The following RFX3 variants were observed in gnomAD, a reference collection of about 807,000 sequenced individuals.
RFX3 encodes the protein regulatory factor X3.
A neutral mutation model predicts 98.6 loss-of-function variants in RFX3; 14 were observed. That is an observed-to-expected ratio of 0.14 (90% CI 0.09 to 0.22). The LOEUF (loss-of-function observed/expected upper bound fraction) is 0.22. Among genes scored for constraint, RFX3 ranks in the 10% least tolerant of loss-of-function variants. The pLI is 1.00. For missense variants in RFX3, 639 were observed against 926.9 expected (o/e 0.69, Z 4.03); for synonymous variants, 383 against 328.4 (o/e 1.17, Z -1.80).
intron 1 of RFX3, among the ~76,000 whole-genome samples, chr9:3,405,950 T>C (rs1841928856): frequency 6.6e-6 from 1 of 152,040 alleles, no homozygotes; most frequent in Admixed American, 6.6e-5. Flanking sequence ...CATTTGGTTT[T>C]TTGTCTTGTT....
At chr9:3,409,953 G>T (rs1388923362) in intron 1 of RFX3, among the ~76,000 whole-genome samples, 1 of 152,108 alleles carries the variant, frequency 6.6e-6, no homozygotes, top group Non-Finnish European at 1.5e-5. Context: ...ATAGGCTATG[G>T]TTAATAGGAG....
chr9:3,344,236 A>C (rs1020745217), intron 3 of RFX3, among the ~76,000 whole-genome samples: 4 of 152,216 alleles, frequency 2.6e-5, no homozygotes, highest in African/African-American at 9.6e-5. Context: ...GATGATACAT[A>C]AAGCACTTTT....
intron 15 of RFX3, among the ~76,000 whole-genome samples, chr9:3,240,863 G>C (rs897865817): frequency 3.9e-5 from 6 of 152,188 alleles, no homozygotes; most frequent in African/African-American, 1.4e-4. Context: ...AAAGTGGCCA[G>C]TAGGTGGCAC....
chr9:3,476,889 C>T (rs1457124992), intron 1 of RFX3, among the ~76,000 whole-genome samples: 2 of 152,130 alleles, frequency 1.3e-5, no homozygotes, highest in African/African-American at 4.8e-5. Flanking sequence ...CAAATCCTAG[C>T]TCCACCACTT....
chr9:3,408,131 A>G (rs947279505), intron 1 of RFX3, among the ~76,000 whole-genome samples: 3 of 152,206 alleles, frequency 2.0e-5, no homozygotes, highest in African/African-American at 7.2e-5. Context: ...AGCCTCTGGC[A>G]CAGGTGCCAG....
chr9:3,362,771 T>A (rs1294224606), intron 2 of RFX3, among the ~76,000 whole-genome samples: 2 of 152,162 alleles, frequency 1.3e-5, no homozygotes, highest in African/African-American at 4.8e-5. Flanking sequence ...ATTAGTTCAA[T>A]AAATCATCCC....
intron 15 of RFX3, among the ~76,000 whole-genome samples, chr9:3,236,774 G>A (rs1201591300): frequency 6.6e-6 from 1 of 152,182 alleles, no homozygotes; most frequent in Non-Finnish European, 1.5e-5. Flanking sequence ...ATGTTAACCA[G>A]AAAAGACTAC....
rs1564205351 is a variant in RFX3, at chr9:3,524,856, CACACACACACACACACACACA to C, written c.-9+870_-9+890del. Among the ~76,000 whole-genome samples the C allele has an allele frequency of 1.4e-4, 21 of 151,156 alleles. No homozygotes were observed. The South Asian group carries it at 2.3e-3, about 17-fold the overall frequency. ...ACACACACACACACACACACACACA[CACACACACACACACACACACA>C]CCAAAGAAGAGAGAGGAGACAGACT... On this transcript the variant is annotated intron_variant, in intron 1 of 16. Coordinates refer to ENST00000617270, the MANE Select transcript of RFX3 (RefSeq NM_001282116.2).
intron 1 of RFX3, among the ~76,000 whole-genome samples, chr9:3,422,067 AG>A (rs770021438): frequency 1.1e-4 from 16 of 152,276 alleles, no homozygotes; most frequent in Non-Finnish European, 2.1e-4. Context: ...AGAGTAGAAA[AG>A]GTACCTAAGG....
chr9:3,497,012 G>A (rs1275913358), intron 1 of RFX3, among the ~76,000 whole-genome samples: 1 of 151,960 alleles, frequency 6.6e-6, no homozygotes, highest in African/African-American at 2.4e-5. Flanking sequence ...TTCAAGATTA[G>A]TTGCAGGAGG....
At chr9:3,424,639 C>T (rs1159954806) in intron 1 of RFX3, among the ~76,000 whole-genome samples, 7 of 151,944 alleles carry the variant, frequency 4.6e-5, no homozygotes, top group African/African-American at 1.7e-4. Flanking sequence ...GGATTACAGG[C>T]GTGAGCCACC....
intron 2 of RFX3, among the ~76,000 whole-genome samples, chr9:3,351,194 G>A (rs546426657): frequency 2.6e-5 from 4 of 152,000 alleles, no homozygotes; most frequent in Admixed American, 6.6e-5. Flanking sequence ...TGTGTGAAGC[G>A]AGGGGTTTTA....
At chr9:3,424,008 G>C (rs1000104964) in intron 1 of RFX3, among the ~76,000 whole-genome samples, 2 of 151,290 alleles carry the variant, frequency 1.3e-5, no homozygotes, top group African/African-American at 4.8e-5. Flanking sequence ...TTAGCCGGGC[G>C]TGGTGGCAGG....
chr9:3,484,062 T>C (rs1199873769), intron 1 of RFX3, among the ~76,000 whole-genome samples: 1 of 152,218 alleles, frequency 6.6e-6, no homozygotes. Context: ...CTAATGTTTC[T>C]GTAGCAAAAA....
intron 15 of RFX3, chr9:3,247,067 C>T: frequency 1.0e-6 from 1 of 983,298 alleles, no homozygotes; most frequent in Non-Finnish European, 1.2e-6. Context: ...TTTATATAAG[C>T]ACATACACAT....
intron 3 of RFX3, among the ~76,000 whole-genome samples, chr9:3,341,004 C>G (rs1333726673): frequency 6.6e-6 from 1 of 152,134 alleles, no homozygotes; most frequent in East Asian, 1.9e-4. Context: ...GGAACCAACC[C>G]AATTGTCCAA....
At chr9:3,310,614 C>G (rs1258979090) in intron 4 of RFX3, among the ~76,000 whole-genome samples, 4 of 152,144 alleles carry the variant, frequency 2.6e-5, no homozygotes, top group Non-Finnish European at 4.4e-5. Flanking sequence ...TTAATTCTCA[C>G]TTTATCTTCA....
intron 15 of RFX3, 200 bp downstream of exon 15, chr9:3,247,832 A>G: frequency 6.2e-7 from 1 of 1,605,472 alleles, no homozygotes; most frequent in Non-Finnish European, 8.5e-7. Context: ...GATATAATCC[A>G]CAATTTTAGA....
At chr9:3,521,001 A>T (rs973580867) in intron 1 of RFX3, among the ~76,000 whole-genome samples, 5 of 152,278 alleles carry the variant, frequency 3.3e-5, no homozygotes, top group Admixed American at 6.5e-5. Flanking sequence ...TAATGTCAAT[A>T]CTATTTTATT....
Sources: allele counts gnomAD v4.1 joint callset (sites outside exome capture counted in the v4.1 genomes callset), GRCh38; gene constraint gnomAD v4.1.1; transcripts MANE v1.5; gene names NCBI Gene and HGNC (gene_info 2026-07-23, HGNC 2026-07-21).